The following GULP1 variants were observed in gnomAD, a reference collection of about 807,000 sequenced individuals.
GULP1 encodes the protein GULP PTB domain containing engulfment adaptor 1.
Under a neutral mutation model 40.9 loss-of-function variants are expected in GULP1, and 19 were observed. The observed-to-expected ratio is 0.46, with a 90% CI of 0.32 to 0.68. The LOEUF is 0.68. GULP1 is among the 30% of genes least tolerant of loss of function. GULP1 has a pLI of 0.03. For synonymous variants in GULP1, 119 were observed against 117.6 expected, an observed-to-expected ratio of 1.01 and a Z score of -0.08; for missense variants, 312 against 362.2, an observed-to-expected ratio of 0.86 and a Z score of 1.12.
intron 2 of GULP1, among the ~76,000 whole-genome samples, chr2:188,441,011 G>A (rs530573585): frequency 4.6e-5 from 7 of 152,246 alleles, no homozygotes; most frequent in African/African-American, 1.7e-4. Context: ...CCCTATCCTA[G>A]TTTGGTTTGC....
At chr2:188,569,963 A>C in intron 8 of GULP1, 65 bp from the exon 9 acceptor site, 1 of 673,600 alleles carries the variant, frequency 1.5e-6, no homozygotes, top group Non-Finnish European at 2.6e-6. Context: ...CCTACTCATA[A>C]CTGTAGCCAA....
At chr2:188,584,851 G>T (rs1483333130) in intron 10 of GULP1, among the ~76,000 whole-genome samples, 1 of 151,748 alleles carries the variant, frequency 6.6e-6, no homozygotes, top group African/African-American at 2.4e-5. Context: ...TTAACCTTTT[G>T]TAAGGGTTCT....
chr2:188,401,125 T>C (rs1036195276), intron 2 of GULP1, among the ~76,000 whole-genome samples: 1 of 152,088 alleles, frequency 6.6e-6, no homozygotes, highest in South Asian at 2.1e-4. Context: ...TATGTTAGTA[T>C]ATAAATGGTA....
chr2:188,531,643 A>G (rs996192020), intron 6 of GULP1, among the ~76,000 whole-genome samples: 16 of 152,208 alleles, frequency 1.1e-4, no homozygotes, highest in African/African-American at 3.9e-4. Flanking sequence ...GTGAAAAGAT[A>G]GTAGAGGGTT....
chr2:188,421,007 A>G (rs532288768), intron 2 of GULP1, among the ~76,000 whole-genome samples: 1 of 152,128 alleles, frequency 6.6e-6, no homozygotes, highest in Non-Finnish European at 1.5e-5. Context: ...TTTCCTCTCC[A>G]GATAGTTCAT....
intron 4 of GULP1, among the ~76,000 whole-genome samples, chr2:188,508,058 G>A (rs1228471018): frequency 6.6e-6 from 1 of 151,840 alleles, no homozygotes; most frequent in African/African-American, 2.4e-5. Flanking sequence ...AAAGGTCTAT[G>A]ATAATACCAG....
Position 188,384,554 on chromosome 2 carries a change from A to C in GULP1, c.-45+665A>C, listed in dbSNP as rs188459495. On this transcript the variant is annotated intron_variant, in intron 2 of 11. Transcript: ENST00000409830. ...CAAATCTCATGTCCTCACATTTCAAAACCAAACATGCCTTCCCAACAATCC... is the reference window on the plus strand; with the variant it reads ...CAAATCTCATGTCCTCACATTTCAACACCAAACATGCCTTCCCAACAATCC... Among the ~76,000 whole-genome samples the C allele has an allele frequency of 1.1e-4, 16 of 152,232 alleles. No individual in the cohort carries two copies. The East Asian group carries it at 3.1e-3, about 29-fold the overall frequency.
At chr2:188,373,216 C>T (rs999266539) in intron 1 of GULP1, among the ~76,000 whole-genome samples, 1 of 151,712 alleles carries the variant, frequency 6.6e-6, no homozygotes, top group Non-Finnish European at 1.5e-5. Context: ...GAATCAAGTA[C>T]CTTCAGTACT....
intron 4 of GULP1, among the ~76,000 whole-genome samples, chr2:188,495,557 G>C (rs1426885667): frequency 2.0e-5 from 3 of 152,040 alleles, no homozygotes; most frequent in African/African-American, 7.2e-5. Flanking sequence ...CAACAGTTTA[G>C]AACTGGGAAG....
chr2:188,308,586 T>G (rs1177288393), intron 1 of GULP1, among the ~76,000 whole-genome samples: 1 of 152,184 alleles, frequency 6.6e-6, no homozygotes, highest in South Asian at 2.1e-4. Context: ...TCTGAACTTC[T>G]GCAAGTTCAG....
At chr2:188,352,372 C>G (rs2044572650) in intron 1 of GULP1, among the ~76,000 whole-genome samples, 1 of 152,044 alleles carries the variant, frequency 6.6e-6, no homozygotes, top group Non-Finnish European at 1.5e-5. Context: ...GGACTGATGT[C>G]TTACTGGCTA....
chr2:188,463,729 A>G (rs2059898133), intron 2 of GULP1, among the ~76,000 whole-genome samples: 1 of 151,356 alleles, frequency 6.6e-6, no homozygotes, highest in Non-Finnish European at 1.5e-5. Context: ...GTGTGCTTCC[A>G]AATAGCCTGT....
chr2:188,459,940 G>A (rs1411831351), intron 2 of GULP1, among the ~76,000 whole-genome samples: 1 of 151,956 alleles, frequency 6.6e-6, no homozygotes, highest in African/African-American at 2.4e-5. Flanking sequence ...TTTATAGAAA[G>A]TGTGTTTACT....
chr2:188,369,212 C>T (rs570582348), intron 1 of GULP1, among the ~76,000 whole-genome samples: 18 of 151,414 alleles, frequency 1.2e-4, no homozygotes, highest in African/African-American at 3.6e-4. Context: ...CCGCCTGCCT[C>T]GGCCTCCCAA....
At chr2:188,549,977 A>G (rs1415173591) in intron 7 of GULP1, among the ~76,000 whole-genome samples, 1 of 151,780 alleles carries the variant, frequency 6.6e-6, no homozygotes, top group Admixed American at 6.6e-5. Flanking sequence ...CTTATAAAAC[A>G]GCAAGATGAA....
chr2:188,366,142 G>C (rs1180017721), intron 1 of GULP1, among the ~76,000 whole-genome samples: 1 of 152,072 alleles, frequency 6.6e-6, no homozygotes, highest in Non-Finnish European at 1.5e-5. Context: ...ATAGGAGAAG[G>C]GGGTATGGGG....
intron 1 of GULP1, among the ~76,000 whole-genome samples, chr2:188,312,150 C>T (rs937269698): frequency 6.6e-6 from 1 of 151,640 alleles, no homozygotes; most frequent in Non-Finnish European, 1.5e-5. Flanking sequence ...CTTTAAAATA[C>T]CTAAGTACTT....
intron 2 of GULP1, among the ~76,000 whole-genome samples, chr2:188,463,541 T>C (rs1271096302): frequency 6.6e-6 from 1 of 152,198 alleles, no homozygotes; most frequent in Non-Finnish European, 1.5e-5. Context: ...TACTTGGGTA[T>C]TGATATATTT....
intron 1 of GULP1, among the ~76,000 whole-genome samples, chr2:188,304,326 C>A (rs1269816557): frequency 2.0e-5 from 3 of 152,172 alleles, no homozygotes; most frequent in African/African-American, 7.2e-5. Context: ...TAAGATTTCT[C>A]TAATCTATTT....
Sources: gnomAD v4.1 joint callset for allele counts (sites outside exome capture counted in the v4.1 genomes callset) on GRCh38, gnomAD v4.1.1 for gene constraint, MANE v1.5 for transcripts, NCBI Gene and HGNC (gene_info 2026-07-23, HGNC 2026-07-21) for gene names.